Variants in CLCN5 observed in about 807,000 individuals in gnomAD.
The protein encoded by CLCN5 is H(+)/Cl(-) exchange transporter 5.
In CLCN5, 17 loss-of-function variants were observed where a neutral mutation model predicts 54.0. That is an observed-to-expected ratio of 0.31 (90% CI 0.22 to 0.47). The LOEUF (loss-of-function observed/expected upper bound fraction) is 0.47. Ranked by LOEUF, CLCN5 falls within the 20% of genes least tolerant of loss-of-function variation. The probability of loss-of-function intolerance (pLI) is 1.00; values close to 1 mark genes in which losing one functional copy is unlikely to be tolerated. For missense variants in CLCN5, 448 were observed against 646.7 expected (o/e 0.69, Z 3.33); for synonymous variants, 222 against 233.0 (o/e 0.95, Z 0.43).
At chrX:49,946,371 G>C (rs1349946997) in intron 3 of CLCN5, among the ~76,000 whole-genome samples, 1 of 111,148 alleles carries the variant, frequency 9.0e-6, no homozygotes, top group Non-Finnish European at 1.9e-5. Flanking sequence ...TGGCAGAGCT[G>C]GTGGTCTCAT....
intron 6 of CLCN5, among the ~76,000 whole-genome samples, 175 bp downstream of exon 6, chrX:50,072,763 A>G (rs1462762093): frequency 1.8e-5 from 2 of 111,675 alleles, no homozygotes; most frequent in Non-Finnish European, 1.9e-5. Context: ...AATACCTGCA[A>G]TTCTTACCTT....
intron 3 of CLCN5, among the ~76,000 whole-genome samples, chrX:49,944,310 A>G (rs1926561257): frequency 9.0e-6 from 1 of 111,611 alleles, no homozygotes; most frequent in Non-Finnish European, 1.9e-5. Flanking sequence ...TTGGGCTGAG[A>G]TGATGGGGTT....
At chrX:50,059,402 A>G (rs1333502532) in intron 4 of CLCN5, among the ~76,000 whole-genome samples, 8 of 112,137 alleles carry the variant, frequency 7.1e-5, no homozygotes, top group Admixed American at 4.7e-4. Context: ...TGGCATTGTA[A>G]AAATTGGGAA....
chrX:49,951,072 C>T (rs1394668149), intron 3 of CLCN5, among the ~76,000 whole-genome samples: 1 of 111,826 alleles, frequency 8.9e-6, no homozygotes, highest in Non-Finnish European at 1.9e-5. Context: ...CTTTTACTAT[C>T]TATGTCCATT....
chrX:49,998,365 C>T (rs1420208778), intron 3 of CLCN5, among the ~76,000 whole-genome samples: 3 of 111,600 alleles, frequency 2.7e-5, no homozygotes, highest in South Asian at 7.6e-4. Context: ...TAATGGGGTA[C>T]GGTCACTGGA....
chrX:50,090,036 C>T, intron 12 of CLCN5, 80 bp from the exon 13 acceptor site: 1 of 1,068,755 alleles, frequency 9.4e-7, no homozygotes, highest in Non-Finnish European at 1.3e-6. Flanking sequence ...TTTGGTAGGT[C>T]AGCTTTTCCT....
At position 50,090,032 on chromosome X, in the gene CLCN5, A is replaced by C. The variant is rs782712632; in HGVS notation, c.1745-84A>C. On this transcript the variant is annotated intron_variant, in intron 12 of 14. Transcript: ENST00000376091. ...TAGGTGAGACCTCATTGTTTTTGGT[A>C]GGTCAGCTTTTCCTGGAAAGGCCCA... The C allele has an allele frequency of 3.9e-6, 4 of 1,014,994 alleles. No individual in the cohort carries two copies. In the African/African-American group the frequency reaches 7.5e-5, roughly 19 times the overall value. 83.6% of individuals were successfully genotyped at this position (1,014,994 alleles called of 1,213,427 possible).
intron 3 of CLCN5, among the ~76,000 whole-genome samples, chrX:49,996,918 T>A (rs1557179736): frequency 1.8e-5 from 2 of 111,725 alleles, no homozygotes; most frequent in Non-Finnish European, 3.8e-5. Flanking sequence ...CTTTATATAT[T>A]CTCCTTAGCT....
chrX:49,941,978 C>T (rs1393780021), intron 3 of CLCN5, among the ~76,000 whole-genome samples: 1 of 95,254 alleles, frequency 1.0e-5, no homozygotes, highest in African/African-American at 3.9e-5. Context: ...CCCTGCCCCA[C>T]CCAATACACA....
intron 4 of CLCN5, among the ~76,000 whole-genome samples, chrX:50,052,015 A>G (rs1185434693): frequency 2.7e-5 from 3 of 111,512 alleles, no homozygotes; most frequent in Admixed American, 9.6e-5. Context: ...TCCAACCTGT[A>G]TACTTTTTAT....
At chrX:50,029,546 C>T (rs1443059105) in intron 3 of CLCN5, among the ~76,000 whole-genome samples, 1 of 111,426 alleles carries the variant, frequency 9.0e-6, no homozygotes, top group Non-Finnish European at 1.9e-5. Flanking sequence ...TTAATCCAGT[C>T]TGTCATTGTT....
intron 4 of CLCN5, among the ~76,000 whole-genome samples, chrX:50,066,737 T>C (rs1215784976): frequency 1.8e-5 from 2 of 112,203 alleles, no homozygotes; most frequent in East Asian, 5.6e-4. Context: ...TCATCCAGGT[T>C]GGATTAATGA....
At chrX:49,946,947 G>C (rs1557172223) in intron 3 of CLCN5, among the ~76,000 whole-genome samples, 1 of 110,336 alleles carries the variant, frequency 9.1e-6, no homozygotes, top group African/African-American at 3.3e-5. Context: ...TCCTGCCTCA[G>C]CCTCCCGAGT....
At chrX:50,000,814 A>G (rs1205531150) in intron 3 of CLCN5, among the ~76,000 whole-genome samples, 2 of 112,038 alleles carry the variant, frequency 1.8e-5, no homozygotes, top group African/African-American at 6.5e-5. Flanking sequence ...ACATGTAATA[A>G]ACTTCCTTAA....
At chrX:50,057,199 G>A (rs1569539647) in intron 4 of CLCN5, among the ~76,000 whole-genome samples, 1 of 109,635 alleles carries the variant, frequency 9.1e-6, no homozygotes, top group African/African-American at 3.3e-5. Context: ...GGAGTTTCTA[G>A]GGTAGGGTGA....
Position 50,030,458 on chromosome X carries a change from T to C in CLCN5, c.17-11858T>C, listed in dbSNP as rs146200228. Among the ~76,000 whole-genome samples, 467 of 111,968 alleles carry C rather than the reference T, an allele frequency of 4.2e-3. 4 individuals are homozygous for C. Among genetic ancestry groups the C allele is most frequent in the African/African-American group, 0.015 (458 of 30,909 alleles). On this transcript the variant is annotated intron_variant, in intron 3 of 14. Transcript: ENST00000376091. The stretch of plus-strand genomic sequence containing the variant: ...TTTGGCTATTTTTAGTTGGTATTTT[T>C]GTAGTTGTATAGGTATGCATTCATG...
chrX:49,957,192 C>T (rs1927371105), intron 3 of CLCN5, among the ~76,000 whole-genome samples: 1 of 110,986 alleles, frequency 9.0e-6, no homozygotes, highest in Non-Finnish European at 1.9e-5. Context: ...CCCAGCTACT[C>T]GGGAGGCTGA....
chrX:50,095,922 A>G lies in CLCN5; in HGVS notation c.*3703A>G, dbSNP rs782606550. On this transcript the variant is annotated 3_prime_UTR_variant, in exon 15 of 15. Coordinates refer to ENST00000376091, the MANE Select transcript of CLCN5 (RefSeq NM_001127898.4). ...GAAGATGCACTTGTTATCCCACACT[A>G]TCTCTTGTTTTGTTTTGTTTTGTTT... The G allele has an allele frequency of 3.9e-4, 44 of 112,637 alleles. No homozygotes were observed. The highest frequency in any genetic ancestry group is 9.4e-4 in the African/African-American group (29 of 31,015). The allele number at this position is 112,637 out of a possible 1,213,427, so 9.3% of individuals were successfully genotyped here. A position where few individuals can be genotyped will look rare whatever the true frequency, so the allele number is the denominator to read the frequency against.
At chrX:49,951,830 G>A (rs1014421392) in intron 3 of CLCN5, among the ~76,000 whole-genome samples, 1 of 111,639 alleles carries the variant, frequency 9.0e-6, no homozygotes, top group African/African-American at 3.2e-5. Context: ...AATGGAGAGA[G>A]GTCAGATACC....
Sources: allele counts gnomAD v4.1 joint callset (sites outside exome capture counted in the v4.1 genomes callset), GRCh38; gene constraint gnomAD v4.1.1; transcripts MANE v1.5; gene names NCBI Gene and HGNC (gene_info 2026-07-23, HGNC 2026-07-21).